Variants in RIC3 observed in about 807,000 individuals in gnomAD.
RIC3 encodes protein RIC-3.
RIC3 carries 28 observed loss-of-function variants against 27.3 expected under a neutral mutation model. The ratio of observed to expected loss-of-function variants is 1.02; its 90% CI spans 0.76 to 1.41. The LOEUF (loss-of-function observed/expected upper bound fraction) is 1.41, where lower values mean the gene tolerates loss of function less well. RIC3 is among the 40% of genes most tolerant of loss of function. RIC3 has a pLI of 0.00. For missense variants in RIC3, 501 were observed against 444.7 expected, an observed-to-expected ratio of 1.13 and a Z score of -1.14; for synonymous variants, 184 against 160.4, an observed-to-expected ratio of 1.15 and a Z score of -1.11.
intron 4 of RIC3, 169 bp from the exon 5 acceptor site, chr11:8,126,976 T>C (rs1049639845): frequency 4.0e-6 from 3 of 757,618 alleles, no homozygotes. Flanking sequence ...AGATGTTAGT[T>C]CAATGCTTTG....
chr11:8,119,189 A>G (rs528813029), intron 5 of RIC3, among the ~76,000 whole-genome samples: 3 of 152,342 alleles, frequency 2.0e-5, no homozygotes, highest in Admixed American at 6.5e-5. Flanking sequence ...TGGCAAAAAT[A>G]CTATGAAAAA....
At chr11:8,098,654 C>A in the RIC3 span, 1 of 826,168 alleles carries the variant, frequency 1.2e-6, no homozygotes, top group Non-Finnish European at 2.0e-6. Context: ...GCTCCTGTTC[C>A]AGCCCAGAAT....
chr11:8,148,147 C>T (rs68154852), intron 1 of RIC3, among the ~76,000 whole-genome samples: 19,779 of 152,202 alleles, frequency 0.13, 1,943 homozygotes, highest in African/African-American at 0.27. Context: ...CCAAGCTCCA[C>T]TCCAGTGATA....
chr11:8,126,755 G>C lies in RIC3; in HGVS notation c.574C>G (p.Arg192Gly), dbSNP rs1215686700. 6.2e-7 allele frequency: 1 copy of C among 1,614,076 alleles called. No homozygotes were observed. The highest frequency in any genetic ancestry group is 8.5e-7 in the Non-Finnish European group (1 of 1,180,012). ...DQEKRLLHQL[R>G]EITRVMKEGK... The stretch of plus-strand genomic sequence containing the variant: ...TCTTTCATGACCCTGGTGATTTCTC[G>C]GAGCTGATGTAGCAACCGTTTCTCT... The change falls in exon 5 of 6, where the codon CGA becomes GGA. Residue 192 changes from arginine to glycine, a missense_variant. Physicochemically the swap from Arg to Gly is moderately radical, Grantham distance 125 (BLOSUM62 -2). Coordinates refer to ENST00000309737, the MANE Select transcript of RIC3 (RefSeq NM_001206671.4).
At chr11:8,093,338 T>C in the RIC3 span, among the ~76,000 whole-genome samples, 1 of 152,118 alleles carries the variant, frequency 6.6e-6, no homozygotes, top group African/African-American at 2.4e-5. Context: ...CAGCCTGGTG[T>C]GGCTGCAACT....
chr11:8,096,811 G>A, the RIC3 span: 1 of 1,614,152 alleles, frequency 6.2e-7, no homozygotes, highest in Non-Finnish European at 8.5e-7. Flanking sequence ...GTCAGGGTGA[G>A]TGAGTGAGTC....
chr11:8,116,356 C>T (rs1235188579), intron 5 of RIC3, among the ~76,000 whole-genome samples: 1 of 152,146 alleles, frequency 6.6e-6, no homozygotes, highest in Non-Finnish European at 1.5e-5. Context: ...GAAAAAGCTC[C>T]ATGACATTGG....
intron 1 of RIC3, among the ~76,000 whole-genome samples, chr11:8,142,112 A>G (rs1239178938): frequency 6.8e-6 from 1 of 147,672 alleles, no homozygotes; most frequent in East Asian, 2.0e-4. Flanking sequence ...TCACAATTAA[A>G]AGAACTAGAA....
the RIC3 span, chr11:8,095,745 C>G: frequency 1.4e-6 from 2 of 1,447,158 alleles, no homozygotes; most frequent in Admixed American, 2.1e-5. Context: ...GGAGCATGGC[C>G]TTCCTGTGTC....
At chr11:8,164,837 A>T (rs1951534925) in intron 1 of RIC3, among the ~76,000 whole-genome samples, 2 of 151,826 alleles carry the variant, frequency 1.3e-5, no homozygotes, top group South Asian at 4.2e-4. Context: ...AAAGAGGGTT[A>T]AAAGGACCTG....
chr11:8,140,485 G>A (rs1421008055), intron 1 of RIC3, among the ~76,000 whole-genome samples: 1 of 152,148 alleles, frequency 6.6e-6, no homozygotes, highest in Non-Finnish European at 1.5e-5. Flanking sequence ...ACCAAGGAAT[G>A]TGACTAGGAC....
At chr11:8,114,754 A>G (rs1366489768) in intron 5 of RIC3, among the ~76,000 whole-genome samples, 1 of 152,074 alleles carries the variant, frequency 6.6e-6, no homozygotes, top group Non-Finnish European at 1.5e-5. Flanking sequence ...ATAAATAACT[A>G]AAACAAAAAA....
At chr11:8,102,876 C>T (rs1271815129), downstream of RIC3, 1 of 148,392 alleles carries the variant, frequency 6.7e-6, no homozygotes, top group Non-Finnish European at 1.5e-5. Context: ...TTTCTTTGTT[C>T]CCACTGTCCC....
intron 4 of RIC3, among the ~76,000 whole-genome samples, chr11:8,133,954 G>A (rs1448075130): frequency 6.6e-6 from 1 of 151,638 alleles, no homozygotes; most frequent in African/African-American, 2.4e-5. Flanking sequence ...GAGGGGCCCT[G>A]CCCACAGAGG....
chr11:8,138,374 T>A (rs1178103335), intron 2 of RIC3, 27 bp from the exon 3 acceptor site: 4 of 1,485,354 alleles, frequency 2.7e-6, no homozygotes, highest in South Asian at 1.1e-5. Flanking sequence ...GTATAGCACA[T>A]CAACAGCAGC....
the RIC3 span, chr11:8,100,462 A>G: frequency 1.3e-6 from 2 of 1,537,914 alleles, no homozygotes; most frequent in Non-Finnish European, 1.8e-6. Flanking sequence ...CAGTAGGTAA[A>G]TAGACGCCTC....
At chr11:8,149,042 A>T (rs1362468503) in intron 1 of RIC3, among the ~76,000 whole-genome samples, 2 of 149,778 alleles carry the variant, frequency 1.3e-5, no homozygotes, top group Non-Finnish European at 3.0e-5. Context: ...AAAAAAAAAA[A>T]ATTAGCCGGG....
intron 1 of RIC3, among the ~76,000 whole-genome samples, chr11:8,143,872 C>A (rs1178050227): frequency 5.3e-5 from 8 of 152,094 alleles, no homozygotes; most frequent in Non-Finnish European, 7.4e-5. Context: ...AGAAATAACG[C>A]CGCATATCTA....
chr11:8,100,850 T>C, the RIC3 span: 3 of 1,614,180 alleles, frequency 1.9e-6, no homozygotes, highest in South Asian at 2.2e-5. Flanking sequence ...GCTAGCACGC[T>C]GGCAGAATAA....
Sources: allele counts gnomAD v4.1 joint callset (sites outside exome capture counted in the v4.1 genomes callset), GRCh38; gene constraint gnomAD v4.1.1; transcripts MANE v1.5; gene names NCBI Gene and HGNC (gene_info 2026-07-23, HGNC 2026-07-21).